DNAI4: variants seen among roughly 807,000 people sequenced by gnomAD.
The protein encoded by DNAI4 is WD repeat domain 78.
Under a neutral mutation model 105.8 loss-of-function variants are expected in DNAI4, and 85 were observed. The observed-to-expected ratio is 0.80, with a 90% CI of 0.67 to 0.96. DNAI4 has a LOEUF of 0.96. Among genes scored for constraint, DNAI4 ranks in the 40% least tolerant of loss-of-function variants. DNAI4 has a pLI of 0.00. For synonymous variants in DNAI4, 352 were observed against 331.5 expected, an observed-to-expected ratio of 1.06 and a Z score of -0.67; for missense variants, 1,014 against 1,005.6, an observed-to-expected ratio of 1.01 and a Z score of -0.11.
At chr1:66,863,335 C>G (rs1382068680) in intron 6 of DNAI4, among the ~76,000 whole-genome samples, 1 of 152,178 alleles carries the variant, frequency 6.6e-6, no homozygotes, top group Non-Finnish European at 1.5e-5. Flanking sequence ...GAATGTGGAT[C>G]TAATAAATGC....
At chr1:66,873,649 T>A (rs79259767) in intron 5 of DNAI4, among the ~76,000 whole-genome samples, 2,324 of 152,298 alleles carry the variant, frequency 0.015, 57 homozygotes, top group African/African-American at 0.053. Flanking sequence ...TGGCCTAGGA[T>A]CAGTTGAGAT....
At chr1:66,845,794 C>A (rs1646262500) in intron 8 of DNAI4, among the ~76,000 whole-genome samples, 2 of 139,146 alleles carry the variant, frequency 1.4e-5, no homozygotes, top group Admixed American at 8.1e-5. Flanking sequence ...TATGACATAC[C>A]AGAATAGGGA....
chr1:66,892,950 G>T, intron 3 of DNAI4, among the ~76,000 whole-genome samples: 1 of 91,920 alleles, frequency 1.1e-5, no homozygotes, highest in Non-Finnish European at 2.1e-5. Context: ...AGAAGAAAGA[G>T]AAGAAAGAAA....
chr1:66,850,862 G>A (rs1025321350), intron 7 of DNAI4, among the ~76,000 whole-genome samples: 1 of 151,482 alleles, frequency 6.6e-6, no homozygotes, highest in African/African-American at 2.4e-5. Context: ...AAACACTACA[G>A]GTAAATTAAA....
chr1:66,903,156 G>A (rs367913555), intron 2 of DNAI4, among the ~76,000 whole-genome samples: 14 of 152,192 alleles, frequency 9.2e-5, no homozygotes, highest in Admixed American at 2.0e-4. Flanking sequence ...ACACTATTAC[G>A]CCTTCCAATC....
intron 7 of DNAI4, among the ~76,000 whole-genome samples, chr1:66,851,325 A>G (rs574802824): frequency 6.6e-6 from 1 of 152,062 alleles, no homozygotes; most frequent in South Asian, 2.1e-4. Flanking sequence ...ACAAGGCTAT[A>G]AAATATGTAA....
chr1:66,900,563 C>G (rs1648729679), intron 2 of DNAI4, among the ~76,000 whole-genome samples: 1 of 152,150 alleles, frequency 6.6e-6, no homozygotes, highest in African/African-American at 2.4e-5. Flanking sequence ...TGAATTAGAT[C>G]TTATTTAATT....
chr1:66,918,472 C>A (rs1456765123), intron 1 of DNAI4, among the ~76,000 whole-genome samples: 4 of 152,132 alleles, frequency 2.6e-5, no homozygotes, highest in Admixed American at 1.3e-4. Flanking sequence ...TTTCTTAAAG[C>A]CCTGTGAACT....
chr1:66,887,025 G>T (rs978759039), intron 4 of DNAI4, among the ~76,000 whole-genome samples: 3 of 151,412 alleles, frequency 2.0e-5, no homozygotes, highest in Non-Finnish European at 4.4e-5. Flanking sequence ...CCCTACCAAG[G>T]CCACTAGCTT....
chr1:66,874,617 T>TTA (rs1343987639), intron 5 of DNAI4, among the ~76,000 whole-genome samples, 164 bp downstream of exon 5: 1 of 152,186 alleles, frequency 6.6e-6, no homozygotes, highest in Non-Finnish European at 1.5e-5. Context: ...CACATGGCAC[T>TTA]TATATAACTT....
chr1:66,899,633 G>A (rs1312316008), intron 2 of DNAI4, among the ~76,000 whole-genome samples: 1 of 152,170 alleles, frequency 6.6e-6, no homozygotes, highest in Non-Finnish European at 1.5e-5. Context: ...AGTGTCACAT[G>A]TAAGAATCCT....
intron 1 of DNAI4, among the ~76,000 whole-genome samples, chr1:66,923,244 T>C (rs1056711619): frequency 3.9e-5 from 6 of 152,218 alleles, no homozygotes; most frequent in African/African-American, 1.4e-4. Flanking sequence ...TTAGTGTACT[T>C]ACACAAACCT....
At chr1:66,836,272 GAAAGAAAGAAAGAAA>G (rs1267154299) in intron 10 of DNAI4, among the ~76,000 whole-genome samples, 3 of 113,844 alleles carry the variant, frequency 2.6e-5, no homozygotes, top group Non-Finnish European at 5.6e-5. Context: ...AAGAAAGAAA[GAAAGAAAGAAAGAAA>G]GAAAGAAAGA....
intron 1 of DNAI4, among the ~76,000 whole-genome samples, chr1:66,906,240 A>G (rs986984174): frequency 6.6e-6 from 1 of 152,044 alleles, no homozygotes; most frequent in Middle Eastern, 3.2e-3. Context: ...GAGAAGTTAC[A>G]ATCAAAATAT....
intron 1 of DNAI4, among the ~76,000 whole-genome samples, chr1:66,918,531 AC>A (rs147270537): frequency 0.078 from 11,931 of 152,264 alleles, 587 homozygotes; most frequent in African/African-American, 0.14. Context: ...CAACCTATTT[AC>A]ATACATAAGC....
chr1:66,856,499 A>C (rs1173209820), intron 7 of DNAI4, among the ~76,000 whole-genome samples: 1 of 151,968 alleles, frequency 6.6e-6, no homozygotes, highest in Non-Finnish European at 1.5e-5. Context: ...AATAAAAAAA[A>C]ATTCTTATAA....
At chr1:66,824,321 T>C (rs1286299067) in intron 15 of DNAI4, among the ~76,000 whole-genome samples, 6 of 149,766 alleles carry the variant, frequency 4.0e-5, no homozygotes, top group Non-Finnish European at 9.0e-5. Context: ...AGCCTTGTAG[T>C]ATAGTTTGAA....
Position 66,843,419 on chromosome 1 carries a change from T to C in DNAI4, c.1292-2748A>G, listed in dbSNP as rs559442162. On this transcript the variant is annotated intron_variant, in intron 8 of 16. Coordinates refer to ENST00000371026, the MANE Select transcript of DNAI4 (RefSeq NM_024763.5). Reference sequence around the variant, plus strand: ...TGTTGGGTTTTAAGAGTTCTTTGTATATTTTGGATAATAGTAATGTATCAG... The same window carrying C: ...TGTTGGGTTTTAAGAGTTCTTTGTACATTTTGGATAATAGTAATGTATCAG... Among the ~76,000 whole-genome samples the C allele has an allele frequency of 1.1e-4, 16 of 152,330 alleles. No individual in the cohort carries two copies. The South Asian group carries it at 1.7e-3, about 16-fold the overall frequency.
chr1:66,902,930 G>C (rs376896852), intron 2 of DNAI4, among the ~76,000 whole-genome samples: 3 of 152,310 alleles, frequency 2.0e-5, no homozygotes, highest in South Asian at 4.1e-4. Context: ...CTACCACCCT[G>C]TTTGGATTAC....
Sources: allele counts gnomAD v4.1 joint callset (sites outside exome capture counted in the v4.1 genomes callset), GRCh38; gene constraint gnomAD v4.1.1; transcripts MANE v1.5; gene names NCBI Gene and HGNC (gene_info 2026-07-23, HGNC 2026-07-21).